PKD2: variants seen among roughly 807,000 people sequenced by gnomAD.
The protein encoded by PKD2 is polycystin 2, transient receptor potential cation channel.
PKD2 carries 48 observed loss-of-function variants against 105.9 expected under a neutral mutation model. The observed-to-expected ratio is 0.45, with a 90% CI of 0.36 to 0.58. The LOEUF is 0.58. Among genes scored for constraint, PKD2 ranks in the 20% least tolerant of loss-of-function variants. The pLI is 0.00. For missense variants in PKD2, 1,078 were observed against 1,255.3 expected (o/e 0.86, Z 2.13); for synonymous variants, 464 against 481.1 (o/e 0.96, Z 0.46).
At chr4:88,055,638 CTTT>C (rs5860112) in intron 7 of PKD2, among the ~76,000 whole-genome samples, 184 of 140,842 alleles carry the variant, frequency 1.3e-3, no homozygotes, top group African/African-American at 4.2e-3. Context: ...TGCACTCAGC[CTTT>C]TTTTTTTTTT....
At chr4:88,066,578 C>G (rs1278637040) in intron 12 of PKD2, among the ~76,000 whole-genome samples, 1 of 151,962 alleles carries the variant, frequency 6.6e-6, no homozygotes, top group Admixed American at 6.6e-5. Context: ...GTCTCAAACT[C>G]CTGACTGCAA....
intron 3 of PKD2, among the ~76,000 whole-genome samples, chr4:88,036,941 GC>G (rs1260637508): frequency 6.6e-6 from 1 of 152,212 alleles, no homozygotes; most frequent in Admixed American, 6.5e-5. Flanking sequence ...TCAAAGGTCT[GC>G]TGTTGGTGGG....
At chr4:88,042,837 C>T (rs770001220) in intron 4 of PKD2, among the ~76,000 whole-genome samples, 1 of 152,210 alleles carries the variant, frequency 6.6e-6, no homozygotes, top group Non-Finnish European at 1.5e-5. Context: ...ACTTGATGAA[C>T]TTGTCCCTCT....
At chr4:88,034,900 A>G (rs1429354708) in intron 2 of PKD2, among the ~76,000 whole-genome samples, 1 of 151,422 alleles carries the variant, frequency 6.6e-6, no homozygotes, top group Non-Finnish European at 1.5e-5. Flanking sequence ...TAGGAATTAT[A>G]TTATACCTGC....
Position 88,058,024 on chromosome 4 carries a change from C to A in PKD2, c.1940C>A (p.Ala647Glu), listed in dbSNP as rs1720428640. ...FRIILGDINFAEIEEANRVLG... is the reference protein window; with the variant it reads ...FRIILGDINFEEIEEANRVLG... ...ATCATTTTGGGCGATATCAACTTTG[C>A]AGAGATTGAGGAAGCTAATCGAGTT... The change falls in exon 9 of 15, where the codon GCA becomes GAA. Residue 647 changes from alanine to glutamate, a missense_variant. This residue lies in a region of PKD2 where 868 missense variants were observed against 1,067.3 expected (regional missense o/e 0.81). Coordinates refer to ENST00000237596, the MANE Select transcript of PKD2 (RefSeq NM_000297.4). 6.3e-7 allele frequency: 1 copy of A among 1,586,120 alleles called. No homozygotes were observed. Among genetic ancestry groups the A allele is most frequent in the Non-Finnish European group, 8.7e-7 (1 of 1,154,482 alleles).
chr4:88,023,751 A>G (rs773091909), intron 2 of PKD2, among the ~76,000 whole-genome samples: 2 of 152,234 alleles, frequency 1.3e-5, no homozygotes, highest in Non-Finnish European at 2.9e-5. Flanking sequence ...GCTGTCTGTC[A>G]TACAGTAGTA....
At chr4:88,038,536 T>C (rs772992291) in intron 4 of PKD2, 35 bp downstream of exon 4, 1 of 1,608,450 alleles carries the variant, frequency 6.2e-7, no homozygotes, top group South Asian at 1.1e-5. Context: ...CTCGGTGATA[T>C]TCATTCATTT....
intron 6 of PKD2, among the ~76,000 whole-genome samples, chr4:88,051,470 A>G (rs897190994): frequency 9.2e-5 from 14 of 152,242 alleles, no homozygotes; most frequent in African/African-American, 3.4e-4. Context: ...TAGCCCTTGC[A>G]CAGTGCTGTA....
rs148433182 is a variant in PKD2 at position 88,051,933 on chromosome 4, A to C, written c.1549-58A>C. 5.5e-4 allele frequency: 517 copies of C among 931,740 alleles called. 2 individuals are homozygous for C. In the African/African-American group the frequency reaches 7.7e-3, roughly 14 times the overall value. 57.7% of individuals were successfully genotyped at this position (931,740 alleles called of 1,614,324 possible). A position where few individuals can be genotyped will look rare whatever the true frequency, so the allele number is the denominator to read the frequency against. ...TGAAGAAAAATATACTAGTCATATT[A>C]AGGTAAGTTTCATATTTCTAAAACA... is the stretch of plus-strand genomic sequence containing the variant. On this transcript the variant is annotated intron_variant, in intron 6 of 14. Coordinates refer to ENST00000237596, the MANE Select transcript of PKD2 (RefSeq NM_000297.4).
At chr4:88,014,581 A>G (rs1726498410) in intron 1 of PKD2, among the ~76,000 whole-genome samples, 1 of 152,158 alleles carries the variant, frequency 6.6e-6, no homozygotes, top group African/African-American at 2.4e-5. Context: ...ATAAAAAGCC[A>G]CTTCCCTTTC....
In PKD2 at chr4:88,067,893, T is replaced by C. The variant is rs1720854911; in HGVS notation, c.2359-5T>C. Reference sequence around the variant, plus strand: ...CTCCTCACTCAGTGACCCCTTGTTCTTCAGGAGGACCTGGATTTGGATCAC... The same window carrying C: ...CTCCTCACTCAGTGACCCCTTGTTCCTCAGGAGGACCTGGATTTGGATCAC... On this transcript the variant is annotated splice_region_variant and splice_polypyrimidine_tract_variant and intron_variant, in intron 12 of 14. Transcript: ENST00000237596. 2 of 1,613,392 alleles carry C rather than the reference T, an allele frequency of 1.2e-6. No individual in the cohort carries two copies. Among genetic ancestry groups the C allele is most frequent in the Non-Finnish European group, 8.5e-7 (1 of 1,179,872 alleles).
rs367862195 is a variant in PKD2, at chr4:88,046,648, G to T, written c.1326G>T (p.Leu442Phe). Reference sequence around the variant, plus strand: ...TGTTCTTATTTACATGCAGGTTATTGGTTGAATTCCCAGCAACAGGTGGTG... The same window carrying T: ...TGTTCTTATTTACATGCAGGTTATTTGTTGAATTCCCAGCAACAGGTGGTG... ...NINLFCVVRL[L>F]VEFPATGGVI... Residue 442 changes from leucine (L) to phenylalanine (F), a missense_variant, in exon 6 of 15, where the codon TTG becomes TTT. This residue lies in a region of PKD2 where 868 missense variants were observed against 1,067.3 expected (regional missense o/e 0.81). Transcript: ENST00000237596. 7 of 1,585,292 alleles carry T rather than the reference G, an allele frequency of 4.4e-6. No homozygotes were observed. In the African/African-American group the frequency reaches 6.7e-5, roughly 15 times the overall value.
At chr4:88,009,282 A>G (rs1288215027) in intron 1 of PKD2, among the ~76,000 whole-genome samples, 1 of 152,204 alleles carries the variant, frequency 6.6e-6, no homozygotes, top group East Asian at 1.9e-4. Context: ...ATTTTAATCT[A>G]TATTTTTAAG....
At chr4:88,042,653 CTTA>C (rs1727609669) in intron 4 of PKD2, among the ~76,000 whole-genome samples, 1 of 152,180 alleles carries the variant, frequency 6.6e-6, no homozygotes, top group Non-Finnish European at 1.5e-5. Context: ...TCTTTTGCTT[CTTA>C]TTATTATCCA....
chr4:88,057,862 T>C (rs1720422134), intron 8 of PKD2, 121 bp from the exon 9 acceptor site: 1 of 772,384 alleles, frequency 1.3e-6, no homozygotes, highest in Non-Finnish European at 2.3e-6. Flanking sequence ...TTTTCTGTTA[T>C]TCGGCAGCTA....
intron 2 of PKD2, among the ~76,000 whole-genome samples, chr4:88,033,165 G>A (rs949083980): frequency 5.3e-5 from 8 of 152,006 alleles, no homozygotes; most frequent in African/African-American, 1.2e-4. Flanking sequence ...GGTGGCTCAC[G>A]ACCGTAATCC....
chr4:88,053,792 AAAT>A (rs148644844), intron 7 of PKD2, among the ~76,000 whole-genome samples: 76 of 152,318 alleles, frequency 5.0e-4, no homozygotes, highest in African/African-American at 1.7e-3. Context: ...CAAACAGCAA[AAAT>A]AATAATAGTA....
At chr4:88,035,980 G>C in intron 2 of PKD2, 1 of 560,306 alleles carries the variant, frequency 1.8e-6, no homozygotes, top group South Asian at 1.9e-5. Context: ...ATACTCAATA[G>C]TAAGCCAATT....
chr4:88,008,606 A>G (rs1437155620), intron 1 of PKD2, among the ~76,000 whole-genome samples: 3 of 151,982 alleles, frequency 2.0e-5, no homozygotes, highest in Admixed American at 2.0e-4. Flanking sequence ...TGAAAGCCTA[A>G]TTAGAGTGAA....
Sources: gnomAD v4.1 joint callset for allele counts (sites outside exome capture counted in the v4.1 genomes callset) on GRCh38, gnomAD v4.1.1 for gene constraint, gnomAD v4.1.1 regional missense constraint, MANE v1.5 for transcripts, NCBI Gene and HGNC (gene_info 2026-07-23, HGNC 2026-07-21) for gene names.